TNFRSF19: variants seen among roughly 807,000 people sequenced by gnomAD.
The protein encoded by TNFRSF19 is tumor necrosis factor receptor superfamily member 19.
A neutral mutation model predicts 46.4 loss-of-function variants in TNFRSF19; 27 were observed. The ratio of observed to expected loss-of-function variants is 0.58; its 90% CI spans 0.43 to 0.80. The LOEUF is 0.80. Ranked by LOEUF, TNFRSF19 falls within the 30% of genes least tolerant of loss-of-function variation. The probability of loss-of-function intolerance (pLI) is 0.00; values close to 1 mark genes in which losing one functional copy is unlikely to be tolerated. For synonymous variants in TNFRSF19, 204 were observed against 205.0 expected (o/e 1.00, Z 0.04); for missense variants, 511 against 530.8 (o/e 0.96, Z 0.37).
intron 7 of TNFRSF19, 22 bp downstream of exon 7, chr13:23,660,512 C>A: frequency 6.2e-7 from 1 of 1,609,046 alleles, no homozygotes; most frequent in Non-Finnish European, 8.5e-7. Flanking sequence ...AGGGAAGTGC[C>A]GTTAGGAGGA....
At chr13:23,642,046 A>C (rs1883060695) in intron 5 of TNFRSF19, among the ~76,000 whole-genome samples, 1 of 152,236 alleles carries the variant, frequency 6.6e-6, no homozygotes, top group Non-Finnish European at 1.5e-5. Context: ...GTTTCACGCC[A>C]TTGTAAAGTC....
chr13:23,613,703 G>T (rs1016032574), intron 3 of TNFRSF19, among the ~76,000 whole-genome samples: 19 of 152,132 alleles, frequency 1.2e-4, no homozygotes, highest in Non-Finnish European at 7.4e-5. Flanking sequence ...ACCCCCAGAA[G>T]GTCACGTGCA....
chr13:23,660,348 T>C lies in TNFRSF19; in HGVS notation c.611-17T>C. 6.2e-7 allele frequency: 1 copy of C among 1,610,672 alleles called. No individual in the cohort carries two copies. The highest frequency in any genetic ancestry group is 2.2e-5 in the East Asian group (1 of 44,680). ...AGGAGACTGTGTTCCCTGACAGAGT[T>C]CTCACCCCTCATTTAGGGTCTCTGC... On this transcript the variant is annotated splice_polypyrimidine_tract_variant and intron_variant, in intron 6 of 9. Coordinates refer to ENST00000248484, the MANE Select transcript of TNFRSF19 (RefSeq NM_148957.4).
intron 5 of TNFRSF19, among the ~76,000 whole-genome samples, chr13:23,634,664 G>A (rs1397680294): frequency 1.3e-5 from 2 of 152,166 alleles, no homozygotes; most frequent in Non-Finnish European, 2.9e-5. Flanking sequence ...AGCTTATGGA[G>A]GAAAGCAGAC....
intron 3 of TNFRSF19, among the ~76,000 whole-genome samples, chr13:23,596,828 C>T (rs1241299412): frequency 1.3e-5 from 2 of 152,206 alleles, no homozygotes; most frequent in Non-Finnish European, 2.9e-5. Context: ...CGCACTTACT[C>T]TAAAATTGAC....
chr13:23,672,774 G>T (rs1235093532), intron 9 of TNFRSF19, among the ~76,000 whole-genome samples: 1 of 152,192 alleles, frequency 6.6e-6, no homozygotes, highest in Non-Finnish European at 1.5e-5. Flanking sequence ...AGTGCCCTTT[G>T]TGATGAGGAC....
At chr13:23,601,249 A>G (rs1880140408) in intron 3 of TNFRSF19, among the ~76,000 whole-genome samples, 1 of 152,262 alleles carries the variant, frequency 6.6e-6, no homozygotes, top group South Asian at 2.1e-4. Context: ...AACTAGAGGG[A>G]AAAAAACGCC....
At chr13:23,647,997 G>T (rs973281978) in intron 5 of TNFRSF19, among the ~76,000 whole-genome samples, 2 of 151,854 alleles carry the variant, frequency 1.3e-5, no homozygotes, top group African/African-American at 4.8e-5. Context: ...TGTAGCTTTT[G>T]TAGTAAGGTT....
At chr13:23,581,127 CTTTTCTTTTT>C (rs1333084731) in intron 1 of TNFRSF19, among the ~76,000 whole-genome samples, 1 of 123,246 alleles carries the variant, frequency 8.1e-6, no homozygotes, top group Non-Finnish European at 1.8e-5. Context: ...TTCTTTTTTT[CTTTTCTTTTT>C]TTTTTTTTGA....
At chr13:23,669,832 T>TA in intron 9 of TNFRSF19, 1 of 504,418 alleles carries the variant, frequency 2.0e-6, no homozygotes, top group Non-Finnish European at 2.6e-6. Flanking sequence ...CTAATGTTTG[T>TA]AAACATTTCC....
chr13:23,636,796 G>C (rs1158400662), intron 5 of TNFRSF19, among the ~76,000 whole-genome samples: 1 of 152,120 alleles, frequency 6.6e-6, no homozygotes, highest in Non-Finnish European at 1.5e-5. Context: ...AGAGTTGAGG[G>C]GAGCAAGGGA....
intron 3 of TNFRSF19, among the ~76,000 whole-genome samples, chr13:23,607,556 G>C (rs1880597284): frequency 6.6e-6 from 1 of 152,122 alleles, no homozygotes; most frequent in African/African-American, 2.4e-5. Flanking sequence ...TTTGAAAGCA[G>C]AGTAAACATA....
chr13:23,653,371 A>G (rs560382242), intron 5 of TNFRSF19, among the ~76,000 whole-genome samples: 4 of 152,270 alleles, frequency 2.6e-5, no homozygotes, highest in Non-Finnish European at 5.9e-5. Flanking sequence ...GGGATCTCCA[A>G]CTCCTACCTT....
chr13:23,639,247 G>T (rs148132517), intron 5 of TNFRSF19, among the ~76,000 whole-genome samples: 2,801 of 152,112 alleles, frequency 0.018, 24 homozygotes, highest in African/African-American at 0.025. Context: ...ACAAAAATTA[G>T]CTAGACATAG....
At chr13:23,669,317 T>C in intron 9 of TNFRSF19, 1 of 1,371,348 alleles carries the variant, frequency 7.3e-7, no homozygotes, top group East Asian at 2.8e-5. Flanking sequence ...CTGCATTCTT[T>C]TATTCCTCTT....
At chr13:23,621,788 A>C (rs1243999200) in intron 4 of TNFRSF19, among the ~76,000 whole-genome samples, 1 of 151,922 alleles carries the variant, frequency 6.6e-6, no homozygotes, top group Non-Finnish European at 1.5e-5. Context: ...TAAAAAAAAA[A>C]AAAATACAAA....
chr13:23,594,650 C>T (rs976656524), intron 3 of TNFRSF19, among the ~76,000 whole-genome samples: 2 of 152,242 alleles, frequency 1.3e-5, no homozygotes, highest in Admixed American at 1.3e-4. Flanking sequence ...CTCCCTGGAA[C>T]AGAGCACTTC....
At chr13:23,593,194 T>A (rs905066745) in intron 2 of TNFRSF19, 151 bp from the exon 3 acceptor site, 14 of 494,836 alleles carry the variant, frequency 2.8e-5, no homozygotes, top group Middle Eastern at 5.3e-4. Context: ...TCAGAAAGTG[T>A]GTTTTCTTCC....
intron 5 of TNFRSF19, among the ~76,000 whole-genome samples, chr13:23,648,065 T>C (rs187763368): frequency 2.0e-5 from 3 of 152,310 alleles, no homozygotes; most frequent in African/African-American, 7.2e-5. Flanking sequence ...ATTTTGACTA[T>C]TTCAGGGTTC....
Sources: allele counts gnomAD v4.1 joint callset (sites outside exome capture counted in the v4.1 genomes callset), GRCh38; gene constraint gnomAD v4.1.1; transcripts MANE v1.5; gene names NCBI Gene and HGNC (gene_info 2026-07-23, HGNC 2026-07-21).